Variants in PDE4D observed in about 807,000 individuals in gnomAD.
The protein encoded by PDE4D is 3',5'-cyclic-AMP phosphodiesterase 4D.
A neutral mutation model predicts 87.4 loss-of-function variants in PDE4D; 24 were observed. That is an observed-to-expected ratio of 0.27 (90% confidence interval 0.20 to 0.39). The LOEUF is 0.39. PDE4D is among the 10% of genes least tolerant of loss of function. The pLI is 1.00. For missense variants in PDE4D, 714 were observed against 1,041.0 expected (o/e 0.69, Z 4.32); for synonymous variants, 384 against 383.2 (o/e 1.00, Z -0.02).
At chr5:59,510,163 A>G (rs1810039863) in intron 1 of PDE4D, among the ~76,000 whole-genome samples, 1 of 150,872 alleles carries the variant, frequency 6.6e-6, no homozygotes, top group African/African-American at 2.4e-5. Context: ...GAGAGAAGAA[A>G]TCAAAGGGAT....
intron 1 of PDE4D, among the ~76,000 whole-genome samples, chr5:60,240,924 G>T (rs1318826959): frequency 6.6e-6 from 1 of 152,064 alleles, no homozygotes. Context: ...AAGAATCCCA[G>T]ACTGTGAAGA....
intron 1 of PDE4D, among the ~76,000 whole-genome samples, chr5:59,553,352 T>G (rs528494137): frequency 6.6e-6 from 1 of 152,266 alleles, no homozygotes; most frequent in East Asian, 1.9e-4. Context: ...CTCAAGTTTT[T>G]GCCATCCCCC....
chr5:59,562,225 C>T (rs928314828), intron 1 of PDE4D, among the ~76,000 whole-genome samples: 2 of 152,112 alleles, frequency 1.3e-5, no homozygotes, highest in African/African-American at 4.8e-5. Context: ...ATTCTTTGGA[C>T]ATGCTCTTAA....
At chr5:60,310,811 T>C (rs1413924171) in intron 1 of PDE4D, among the ~76,000 whole-genome samples, 2 of 152,230 alleles carry the variant, frequency 1.3e-5, no homozygotes, top group Admixed American at 1.3e-4. Flanking sequence ...TTTGCTCACC[T>C]CTTTAAACAT....
At chr5:59,343,328 G>A (rs1390394223) in intron 1 of PDE4D, among the ~76,000 whole-genome samples, 1 of 152,002 alleles carries the variant, frequency 6.6e-6, no homozygotes, top group Non-Finnish European at 1.5e-5. Flanking sequence ...AATCCCTCCT[G>A]TTCCCATCAC....
At chr5:60,276,569 C>T (rs964753966) in intron 1 of PDE4D, among the ~76,000 whole-genome samples, 1 of 152,182 alleles carries the variant, frequency 6.6e-6, no homozygotes, top group South Asian at 2.1e-4. Flanking sequence ...TCAAATAAGA[C>T]ACCCAGCTGT....
At chr5:59,508,548 A>T (rs560809521) in intron 1 of PDE4D, among the ~76,000 whole-genome samples, 1 of 152,290 alleles carries the variant, frequency 6.6e-6, no homozygotes. Flanking sequence ...ATGTAAAAAA[A>T]TATAGAAAAT....
intron 5 of PDE4D, among the ~76,000 whole-genome samples, chr5:59,153,591 G>T (rs979213552): frequency 6.6e-6 from 1 of 152,104 alleles, no homozygotes; most frequent in African/African-American, 2.4e-5. Flanking sequence ...TTGCACCCAA[G>T]AATCATTTCA....
intron 1 of PDE4D, among the ~76,000 whole-genome samples, chr5:59,619,635 A>G (rs1480034777): frequency 1.3e-5 from 2 of 152,208 alleles, no homozygotes; most frequent in African/African-American, 4.8e-5. Context: ...TTTCAGTGGT[A>G]GGCAGAGGAT....
At chr5:60,191,562 G>A (rs1410854331) in intron 1 of PDE4D, among the ~76,000 whole-genome samples, 1 of 152,150 alleles carries the variant, frequency 6.6e-6, no homozygotes, top group Non-Finnish European at 1.5e-5. Context: ...ATGCAGAACT[G>A]TAAGCCAATT....
intron 1 of PDE4D, among the ~76,000 whole-genome samples, chr5:59,540,041 T>TA (rs1463612171): frequency 6.6e-6 from 1 of 152,150 alleles, no homozygotes; most frequent in African/African-American, 2.4e-5. Flanking sequence ...ACTGCTCCCT[T>TA]CCACCTAGAG....
chr5:59,279,773 T>C (rs1765480543), intron 1 of PDE4D, among the ~76,000 whole-genome samples: 1 of 151,580 alleles, frequency 6.6e-6, no homozygotes, highest in African/African-American at 2.4e-5. Flanking sequence ...TTGCTCTTCA[T>C]GATGTGTATG....
At chr5:59,048,718 G>T (rs903045685) in intron 5 of PDE4D, among the ~76,000 whole-genome samples, 3 of 152,122 alleles carry the variant, frequency 2.0e-5, no homozygotes, top group Non-Finnish European at 2.9e-5. Context: ...TTAATAAATA[G>T]AAAGTTCTGG....
intron 1 of PDE4D, among the ~76,000 whole-genome samples, chr5:59,246,702 T>G (rs1295416408): frequency 6.6e-6 from 1 of 152,280 alleles, no homozygotes; most frequent in South Asian, 2.1e-4. Flanking sequence ...CACTGTTCTT[T>G]GTTGAAAGGA....
At chr5:60,139,212 T>C (rs1780312723) in intron 2 of PDE4D, among the ~76,000 whole-genome samples, 1 of 152,108 alleles carries the variant, frequency 6.6e-6, no homozygotes, top group Admixed American at 6.6e-5. Context: ...AAGCGGTTCC[T>C]AAATAGACTA....
At chr5:59,325,081 G>C (rs1395374673) in intron 1 of PDE4D, among the ~76,000 whole-genome samples, 2 of 152,094 alleles carry the variant, frequency 1.3e-5, no homozygotes, top group Non-Finnish European at 2.9e-5. Context: ...CTTTTGAAAA[G>C]CTAGGTTTAA....
chr5:59,535,578 T>C (rs1048582907), intron 1 of PDE4D, among the ~76,000 whole-genome samples: 4 of 152,196 alleles, frequency 2.6e-5, no homozygotes, highest in African/African-American at 9.7e-5. Flanking sequence ...TTGTCAACAA[T>C]AGTGTTTCAA....
intron 1 of PDE4D, among the ~76,000 whole-genome samples, chr5:60,287,380 C>G (rs1752513390): frequency 6.6e-6 from 1 of 152,168 alleles, no homozygotes; most frequent in Admixed American, 6.6e-5. Flanking sequence ...GTAGGAGAGG[C>G]GCCCCCTTCA....
intron 2 of PDE4D, among the ~76,000 whole-genome samples, chr5:60,026,868 G>A (rs1248834201): frequency 1.3e-5 from 2 of 152,110 alleles, no homozygotes; most frequent in African/African-American, 2.4e-5. Context: ...TCTGCTTCAT[G>A]TTTCTGTAGA....
Sources: gnomAD v4.1 joint callset for allele counts (sites outside exome capture counted in the v4.1 genomes callset) on GRCh38, gnomAD v4.1.1 for gene constraint, MANE v1.5 for transcripts, NCBI Gene and HGNC (gene_info 2026-07-23, HGNC 2026-07-21) for gene names.